Variants in ENPEP observed in about 807,000 individuals in gnomAD.
ENPEP encodes the protein AP-A.
Under a neutral mutation model 114.5 loss-of-function variants are expected in ENPEP, and 103 were observed. That is an observed-to-expected ratio of 0.90 (90% confidence interval 0.77 to 1.06). ENPEP has a LOEUF of 1.06. ENPEP is among the 50% of genes least tolerant of loss of function. The pLI is 0.00. For synonymous variants in ENPEP, 420 were observed against 422.0 expected (o/e 1.00, Z 0.06); for missense variants, 1,196 against 1,161.3 (o/e 1.03, Z -0.43).
At chr4:110,481,255 G>A (rs536908380) in intron 1 of ENPEP, among the ~76,000 whole-genome samples, 1 of 151,568 alleles carries the variant, frequency 6.6e-6, no homozygotes, top group East Asian at 1.9e-4. Flanking sequence ...ACTTTTCAGA[G>A]ACTTTTTTTT....
chr4:110,524,082 T>C (rs1219867175), intron 10 of ENPEP, among the ~76,000 whole-genome samples: 2 of 152,108 alleles, frequency 1.3e-5, no homozygotes, highest in African/African-American at 2.4e-5. Context: ...TTTTATTTTA[T>C]TAAATTTTAT....
chr4:110,557,258 A>G (rs775779786), intron 18 of ENPEP, among the ~76,000 whole-genome samples: 1 of 152,224 alleles, frequency 6.6e-6, no homozygotes, highest in African/African-American at 2.4e-5. Context: ...CAGATGACTT[A>G]CGGATGATCA....
chr4:110,510,142 C>A, intron 5 of ENPEP, 103 bp from the exon 6 acceptor site: 1 of 921,876 alleles, frequency 1.1e-6, no homozygotes. Context: ...ACTTCTGTCA[C>A]AGTGACAACA....
intron 2 of ENPEP, among the ~76,000 whole-genome samples, chr4:110,490,405 G>T (rs546096632): frequency 1.3e-5 from 2 of 152,310 alleles, no homozygotes; most frequent in Admixed American, 6.5e-5. Flanking sequence ...TTTAATAATG[G>T]AAGCAGGAGT....
intron 1 of ENPEP, among the ~76,000 whole-genome samples, chr4:110,480,101 T>C (rs926050778): frequency 2.0e-5 from 3 of 152,204 alleles, no homozygotes; most frequent in Non-Finnish European, 4.4e-5. Context: ...AGGCTGATGC[T>C]CAGTTCAGTT....
chr4:110,487,856 T>C (rs1244229560), intron 1 of ENPEP, among the ~76,000 whole-genome samples: 1 of 152,194 alleles, frequency 6.6e-6, no homozygotes, highest in African/African-American at 2.4e-5. Flanking sequence ...ATACTAAACA[T>C]TAACATTTTA....
intron 2 of ENPEP, among the ~76,000 whole-genome samples, chr4:110,489,710 G>T (rs6834417): frequency 0.02 from 3,003 of 152,184 alleles, 121 homozygotes; most frequent in African/African-American, 0.069. Context: ...TTGTTACCTA[G>T]AGTTTCATTG....
At chr4:110,499,138 G>A (rs1177946214) in intron 3 of ENPEP, among the ~76,000 whole-genome samples, 1 of 152,126 alleles carries the variant, frequency 6.6e-6, no homozygotes, top group African/African-American at 2.4e-5. Context: ...GGACACCATA[G>A]TGTAAGTATC....
At chr4:110,534,217 A>T (rs1364526668) in intron 11 of ENPEP, among the ~76,000 whole-genome samples, 3 of 146,194 alleles carry the variant, frequency 2.1e-5, no homozygotes, top group Non-Finnish European at 4.5e-5. Flanking sequence ...CAATAGTGGG[A>T]CTCTCCCCAA....
intron 3 of ENPEP, among the ~76,000 whole-genome samples, chr4:110,496,270 G>T (rs905265555): frequency 4.6e-5 from 7 of 152,070 alleles, no homozygotes; most frequent in Non-Finnish European, 7.4e-5. Context: ...TTGTGCCATA[G>T]ACTTTGATTT....
chr4:110,478,489 T>G (rs1476012869), intron 1 of ENPEP, among the ~76,000 whole-genome samples: 1 of 152,246 alleles, frequency 6.6e-6, no homozygotes, highest in Non-Finnish European at 1.5e-5. Flanking sequence ...TTAATGTATA[T>G]TCTAATGTTT....
intron 19 of ENPEP, 95 bp from the exon 20 acceptor site, chr4:110,561,311 A>G (rs1727668842): frequency 1.5e-6 from 2 of 1,301,748 alleles, no homozygotes; most frequent in South Asian, 1.3e-5. Context: ...CTGAATTTCT[A>G]GGTAAGAAGA....
chr4:110,548,853 A>C (rs559270942), intron 14 of ENPEP, among the ~76,000 whole-genome samples: 13 of 152,236 alleles, frequency 8.5e-5, no homozygotes, highest in South Asian at 4.1e-4. Context: ...TCTTCTATTT[A>C]CAAAATGAAA....
At chr4:110,526,376 C>G (rs771981715) in intron 10 of ENPEP, among the ~76,000 whole-genome samples, 1 of 152,066 alleles carries the variant, frequency 6.6e-6, no homozygotes, top group African/African-American at 2.4e-5. Flanking sequence ...TGAACATTGA[C>G]CAAGTGGTTG....
In ENPEP at chr4:110,491,107, G is replaced by A; in HGVS notation, c.861G>A (p.Val287=). 6.2e-7 allele frequency: 1 copy of A among 1,612,378 alleles called. No homozygotes were observed. The highest frequency in any genetic ancestry group is 8.5e-7 in the Non-Finnish European group (1 of 1,179,938). The change falls in exon 3 of 20, where the codon GTG becomes GTA. Residue 287 remains valine, a synonymous_variant. Transcript: ENST00000265162. ...EKSVPMSTYL[V]CFAVHQFDSV... ...CTGTCCCCATGAGCACGTACCTGGTGTGCTTTGCTGTACATCAATTTGACT... is the reference window on the plus strand; with the variant it reads ...CTGTCCCCATGAGCACGTACCTGGTATGCTTTGCTGTACATCAATTTGACT...
intron 13 of ENPEP, among the ~76,000 whole-genome samples, chr4:110,545,401 C>T (rs753653716): frequency 8.5e-5 from 13 of 152,062 alleles, no homozygotes; most frequent in Non-Finnish European, 1.9e-4. Context: ...ATAATTTTCT[C>T]AGTCAAGTAA....
At chr4:110,536,831 T>C (rs1726652308) in intron 11 of ENPEP, among the ~76,000 whole-genome samples, 1 of 152,194 alleles carries the variant, frequency 6.6e-6, no homozygotes, top group Non-Finnish European at 1.5e-5. Flanking sequence ...CATTGCATGT[T>C]ACATATTAAA....
chr4:110,557,084 C>T (rs114901494), intron 18 of ENPEP, among the ~76,000 whole-genome samples: 3,328 of 151,944 alleles, frequency 0.022, 55 homozygotes, highest in Non-Finnish European at 0.028. Flanking sequence ...ATCTAAACTA[C>T]ATAAAGAAAT....
chr4:110,493,551 G>A (rs1467561065), intron 3 of ENPEP, among the ~76,000 whole-genome samples: 1 of 152,094 alleles, frequency 6.6e-6, no homozygotes, highest in Non-Finnish European at 1.5e-5. Flanking sequence ...ATAGAAGACA[G>A]GCAGCCAGAG....
Sources: allele counts gnomAD v4.1 joint callset (sites outside exome capture counted in the v4.1 genomes callset), GRCh38; gene constraint gnomAD v4.1.1; transcripts MANE v1.5; gene names NCBI Gene and HGNC (gene_info 2026-07-23, HGNC 2026-07-21).